The following TMEM168 variants were observed in gnomAD, a reference collection of about 807,000 sequenced individuals.
TMEM168 encodes the protein transmembrane protein 168.
In TMEM168, 40 loss-of-function variants were observed where a neutral mutation model predicts 53.2. The ratio of observed to expected loss-of-function variants is 0.75; its 90% CI spans 0.58 to 0.98. The LOEUF (loss-of-function observed/expected upper bound fraction) is 0.98. Ranked by LOEUF, TMEM168 falls within the 50% of genes least tolerant of loss-of-function variation. The pLI, the probability that TMEM168 is intolerant of heterozygous loss-of-function variation, is 0.00. For synonymous variants in TMEM168, 282 were observed against 293.0 expected (o/e 0.96, Z 0.38); for missense variants, 771 against 828.8 (o/e 0.93, Z 0.86).
intron 2 of TMEM168, among the ~76,000 whole-genome samples, chr7:112,779,542 C>G (rs1793175835): frequency 6.6e-6 from 1 of 152,176 alleles, no homozygotes; most frequent in Non-Finnish European, 1.5e-5. Flanking sequence ...TCAATTGATT[C>G]AAGCCTACAA....
intron 2 of TMEM168, among the ~76,000 whole-genome samples, chr7:112,783,328 T>TG (rs1793280460): frequency 1.3e-5 from 2 of 152,252 alleles, no homozygotes; most frequent in Admixed American, 1.3e-4. Flanking sequence ...CTAGTGACTC[T>TG]GGATGTGTCT....
intron 2 of TMEM168, among the ~76,000 whole-genome samples, chr7:112,777,936 GTGTGTGTA>G: frequency 9.8e-6 from 1 of 101,782 alleles, no homozygotes; most frequent in Non-Finnish European, 1.9e-5. Context: ...GTGTGTGTGT[GTGTGTGTA>G]CCTGGTTAAA....
chr7:112,789,988 C>G (rs1047306241), intron 1 of TMEM168, among the ~76,000 whole-genome samples, 172 bp downstream of exon 1: 5 of 152,200 alleles, frequency 3.3e-5, no homozygotes, highest in African/African-American at 1.2e-4. Context: ...TACGGAGAGG[C>G]GCTCCCACAC....
In TMEM168 at chr7:112,764,209, AG is replaced by A. The variant is rs1562856398; in HGVS notation, c.*2987del. ...GTTTTTTTTATTCTATTGAAAAAAA[AG>A]ATGATGTTTTTAGAGCTAGTGGTTT... On this transcript the variant is annotated 3_prime_UTR_variant, in exon 5 of 5. Coordinates refer to ENST00000312814, the MANE Select transcript of TMEM168 (RefSeq NM_022484.6). 6.6e-6 allele frequency: 1 copy of A among 151,964 alleles called. No homozygotes were observed. The highest frequency in any genetic ancestry group is 2.4e-5 in the African/African-American group (1 of 41,450). 9.4% of individuals were successfully genotyped at this position (151,964 alleles called of 1,614,324 possible).
rs908964399 is a variant in TMEM168, at chr7:112,765,422, A to C, written c.*1775T>G. 2 of 152,230 alleles carry C rather than the reference A, an allele frequency of 1.3e-5. No individual in the cohort carries two copies. Among genetic ancestry groups the C allele is most frequent in the African/African-American group, 4.8e-5 (2 of 41,478 alleles). 9.4% of individuals were successfully genotyped at this position (152,230 alleles called of 1,614,324 possible). Reference sequence around the variant, plus strand: ...ATACTTTTGTATTTGGCTTTCTTAAAGTGAAGAGATAATGCTTTAAAGCTA... The same window carrying C: ...ATACTTTTGTATTTGGCTTTCTTAACGTGAAGAGATAATGCTTTAAAGCTA... On this transcript the variant is annotated 3_prime_UTR_variant, in exon 5 of 5. Transcript: ENST00000312814.
In TMEM168 at chr7:112,763,428, T is replaced by C. The variant is rs1792703576; in HGVS notation, c.*3769A>G. ...CAAAATATTTATTAAATGCTTCTCA[T>C]TACGGACAAGGCACTCTTCTCGGTA... On this transcript the variant is annotated 3_prime_UTR_variant, in exon 5 of 5. Coordinates refer to ENST00000312814, the MANE Select transcript of TMEM168 (RefSeq NM_022484.6). 6.6e-6 allele frequency: 1 copy of C among 152,226 alleles called. No individual in the cohort carries two copies. Among genetic ancestry groups the C allele is most frequent in the Middle Eastern group, 3.4e-3 (1 of 294 alleles). 9.4% of individuals were successfully genotyped at this position (152,226 alleles called of 1,614,324 possible). A position where few individuals can be genotyped will look rare whatever the true frequency, so the allele number is the denominator to read the frequency against.
At chr7:112,785,572 T>G (rs1355238228) in intron 1 of TMEM168, among the ~76,000 whole-genome samples, 1 of 152,236 alleles carries the variant, frequency 6.6e-6, no homozygotes, top group Admixed American at 6.5e-5. Flanking sequence ...TAAATTACTT[T>G]GATTACTAAA....
rs1156730303 is a variant in TMEM168, at chr7:112,765,169, A to ATTGT, written c.*2024_*2027dup. 1.3e-5 allele frequency: 2 copies of ATTGT among 152,124 alleles called. No homozygotes were observed. The highest frequency in any genetic ancestry group is 4.8e-5 in the African/African-American group (2 of 41,426). The allele number at this position is 152,124 out of a possible 1,614,324, so 9.4% of individuals were successfully genotyped here. On this transcript the variant is annotated 3_prime_UTR_variant, in exon 5 of 5. Transcript: ENST00000312814. The stretch of plus-strand genomic sequence containing the variant: ...GTGATACCATCCCAAAAAGTCATTT[A>ATTGT]TTGTTTTTTGTTTGTTTGGGTAGGA...
chr7:112,771,411 C>T (rs564725249), intron 4 of TMEM168, among the ~76,000 whole-genome samples: 23 of 152,172 alleles, frequency 1.5e-4, no homozygotes, highest in African/African-American at 4.3e-4. Context: ...TCCATTTCAT[C>T]GTTTGAAAAA....
chr7:112,786,373 G>A (rs745932867), intron 1 of TMEM168, among the ~76,000 whole-genome samples: 2 of 152,086 alleles, frequency 1.3e-5, no homozygotes, highest in Non-Finnish European at 2.9e-5. Context: ...GGGAAGTTCC[G>A]AGTATTATTA....
chr7:112,783,667 A>G (rs1331856458), intron 2 of TMEM168, 31 bp downstream of exon 2: 1 of 1,431,420 alleles, frequency 7.0e-7, no homozygotes, highest in Non-Finnish European at 9.2e-7. Flanking sequence ...ATTACACGTC[A>G]TTGGGGTTGC....
chr7:112,777,501 A>G (rs1339377842), intron 2 of TMEM168, among the ~76,000 whole-genome samples: 2 of 151,488 alleles, frequency 1.3e-5, no homozygotes, highest in African/African-American at 2.4e-5. Context: ...TCTATTTTTG[A>G]GACTCTTATA....
chr7:112,776,263 C>A (rs551550437), intron 2 of TMEM168, among the ~76,000 whole-genome samples: 16 of 151,644 alleles, frequency 1.1e-4, no homozygotes, highest in Middle Eastern at 3.4e-3. Flanking sequence ...GACATATAAG[C>A]ATTGTAAAAG....
chr7:112,788,929 C>G (rs1793464749), intron 1 of TMEM168, among the ~76,000 whole-genome samples: 1 of 152,124 alleles, frequency 6.6e-6, no homozygotes, highest in Non-Finnish European at 1.5e-5. Flanking sequence ...AAATTTAGCA[C>G]TCCACTATGT....
chr7:112,782,293 T>C (rs1029207777), intron 2 of TMEM168, among the ~76,000 whole-genome samples: 8 of 152,178 alleles, frequency 5.3e-5, no homozygotes, highest in Admixed American at 5.2e-4. Context: ...AAAGTTTTTG[T>C]GTACCTCCAG....
At position 112,783,740 on chromosome 7, in the gene TMEM168, A is replaced by C. The variant is rs768745815; in HGVS notation, c.1086T>G (p.Phe362Leu). 5.1e-6 allele frequency: 8 copies of C among 1,555,162 alleles called. No homozygotes were observed. The highest frequency in any genetic ancestry group is 6.9e-6 in the Non-Finnish European group (8 of 1,154,518). ...FCLISEQLVF[F>L]SLLATAILGA... ...CCAAAATCGCTGTTGCAAGAAGACTAAAGAACACCAACTGCTCTGAAATCA... is the reference window on the plus strand; with the variant it reads ...CCAAAATCGCTGTTGCAAGAAGACTCAAGAACACCAACTGCTCTGAAATCA... The change falls in exon 2 of 5, where the codon TTT (phenylalanine) becomes TTG (leucine). Residue 362 changes from phenylalanine (F) to leucine (L), a missense_variant. Transcript: ENST00000312814.
rs1009337940 is a variant in TMEM168 at position 112,765,973 on chromosome 7, A to G, written c.*1224T>C. 2 of 152,166 alleles carry G rather than the reference A, an allele frequency of 1.3e-5. No homozygotes were observed. The highest frequency in any genetic ancestry group is 1.3e-4 in the Admixed American group (2 of 15,254). 9.4% of individuals were successfully genotyped at this position (152,166 alleles called of 1,614,324 possible). A position where few individuals can be genotyped will look rare whatever the true frequency, so the allele number is the denominator to read the frequency against. On this transcript the variant is annotated 3_prime_UTR_variant, in exon 5 of 5. Transcript: ENST00000312814. ...GAGAAGGCAAACCATTTAAACAATG[A>G]AGATTAGATTATACCCCAATTTAAT...
At chr7:112,780,789 A>G (rs1793206311) in intron 2 of TMEM168, among the ~76,000 whole-genome samples, 1 of 152,144 alleles carries the variant, frequency 6.6e-6, no homozygotes, top group South Asian at 2.1e-4. Context: ...CATTCTGGAA[A>G]AGGAAAATGT....
rs71155069 is a variant in TMEM168, at chr7:112,787,713, A to AT, written c.-129+2446dup. On this transcript the variant is annotated intron_variant, in intron 1 of 4. Coordinates refer to ENST00000312814, the MANE Select transcript of TMEM168 (RefSeq NM_022484.6). ...ACAGGCGTGAGCCACTGCGACTGGC[A>AT]TTTTTTTTTTTTTTTTTTTTTTTTT... 3.7e-3 allele frequency among the ~76,000 whole-genome samples: 143 copies of AT among 38,782 alleles called. 23 individuals are homozygous for AT. The highest frequency in any genetic ancestry group is 9.5e-3 in the African/African-American group (89 of 9,352). 25.4% of individuals were successfully genotyped at this position (38,782 alleles called of 152,430 possible).
Sources: gnomAD v4.1 joint callset for allele counts (sites outside exome capture counted in the v4.1 genomes callset) on GRCh38, gnomAD v4.1.1 for gene constraint, MANE v1.5 for transcripts, NCBI Gene and HGNC (gene_info 2026-07-23, HGNC 2026-07-21) for gene names.